KCNU1: variants seen among roughly 807,000 people sequenced by gnomAD.
KCNU1 encodes the protein potassium channel subfamily U member 1.
A neutral mutation model predicts 126.8 loss-of-function variants in KCNU1; 93 were observed. The observed-to-expected ratio is 0.73, with a 90% confidence interval of 0.62 to 0.87. KCNU1 has a LOEUF of 0.87. Among genes scored for constraint, KCNU1 ranks in the 40% least tolerant of loss-of-function variants. The pLI is 0.00. For synonymous variants in KCNU1, 523 were observed against 494.2 expected, an observed-to-expected ratio of 1.06 and a Z score of -0.77; for missense variants, 1,330 against 1,367.1, an observed-to-expected ratio of 0.97 and a Z score of 0.43.
chr8:36,873,638 C>A (rs556860481), intron 19 of KCNU1, among the ~76,000 whole-genome samples: 1 of 152,270 alleles, frequency 6.6e-6, no homozygotes, highest in Admixed American at 6.5e-5. Context: ...TCTCTCCCTG[C>A]TCTCTGTTCC....
chr8:36,894,176 C>T (rs1337127777), intron 19 of KCNU1, among the ~76,000 whole-genome samples: 3 of 152,024 alleles, frequency 2.0e-5, no homozygotes, highest in African/African-American at 7.2e-5. Flanking sequence ...ATATGGTTTG[C>T]CATACAAAAG....
chr8:36,832,885 G>A (rs1804606434), intron 10 of KCNU1, among the ~76,000 whole-genome samples: 1 of 151,988 alleles, frequency 6.6e-6, no homozygotes, highest in Admixed American at 6.6e-5. Flanking sequence ...TAAGAATAAT[G>A]ATAAAGAATT....
intron 24 of KCNU1, among the ~76,000 whole-genome samples, chr8:36,924,460 C>T (rs986268875): frequency 6.6e-6 from 1 of 152,216 alleles, no homozygotes; most frequent in African/African-American, 2.4e-5. Context: ...TTGCCCTGGG[C>T]TCTGCCTCTT....
chr8:36,852,140 A>G (rs1696462435), intron 18 of KCNU1, among the ~76,000 whole-genome samples: 1 of 151,972 alleles, frequency 6.6e-6, no homozygotes. Context: ...TGTGGTTTTT[A>G]TATTTTATTC....
At chr8:36,843,797 G>A (rs1805042218) in intron 16 of KCNU1, among the ~76,000 whole-genome samples, 1 of 152,150 alleles carries the variant, frequency 6.6e-6, no homozygotes, top group Admixed American at 6.5e-5. Flanking sequence ...AATGCTTGGA[G>A]AATTATAAGA....
chr8:36,913,295 T>C (rs181207874), intron 22 of KCNU1, among the ~76,000 whole-genome samples: 10 of 150,706 alleles, frequency 6.6e-5, no homozygotes, highest in African/African-American at 2.4e-4. Flanking sequence ...TTTGGGGGAA[T>C]GAGGTTGAGG....
intron 18 of KCNU1, among the ~76,000 whole-genome samples, chr8:36,846,798 A>AC (rs1038031319): frequency 2.6e-5 from 4 of 151,780 alleles, no homozygotes; most frequent in African/African-American, 9.7e-5. Flanking sequence ...GAAAAAAAAA[A>AC]AAAAAAAACT....
chr8:36,828,358 A>G (rs777384816), intron 10 of KCNU1, among the ~76,000 whole-genome samples: 1 of 152,112 alleles, frequency 6.6e-6, no homozygotes, highest in South Asian at 2.1e-4. Context: ...ACAATAATCT[A>G]TATTTAACTG....
chr8:36,878,470 T>C (rs1008464356), intron 19 of KCNU1, among the ~76,000 whole-genome samples: 1 of 152,158 alleles, frequency 6.6e-6, no homozygotes, highest in Admixed American at 6.6e-5. Flanking sequence ...TGAAGTCATA[T>C]CCCTGCTCAC....
chr8:36,829,035 T>C (rs996204432), intron 10 of KCNU1, among the ~76,000 whole-genome samples: 8 of 152,160 alleles, frequency 5.3e-5, no homozygotes, highest in Non-Finnish European at 1.0e-4. Flanking sequence ...ACCTTCACCA[T>C]GTTTACTAGG....
At chr8:36,833,688 A>C (rs1412899504) in intron 11 of KCNU1, 29 bp downstream of exon 11, 1 of 1,263,002 alleles carries the variant, frequency 7.9e-7, no homozygotes, top group Non-Finnish European at 1.2e-6. Context: ...TGTTCCTTGT[A>C]GTTTTCCTTA....
At chr8:36,829,337 T>C (rs1229826602) in intron 10 of KCNU1, among the ~76,000 whole-genome samples, 1 of 151,860 alleles carries the variant, frequency 6.6e-6, no homozygotes, top group Non-Finnish European at 1.5e-5. Flanking sequence ...GTTTAGAAAC[T>C]TTTTCCCTAT....
intron 22 of KCNU1, among the ~76,000 whole-genome samples, chr8:36,912,584 C>T (rs1563332304): frequency 6.6e-6 from 1 of 152,006 alleles, no homozygotes; most frequent in African/African-American, 2.4e-5. Context: ...AGGGTCACTC[C>T]TTGGATTCAC....
intron 22 of KCNU1, among the ~76,000 whole-genome samples, chr8:36,917,552 C>A (rs143766922): frequency 6.6e-6 from 1 of 151,358 alleles, no homozygotes; most frequent in Non-Finnish European, 1.5e-5. Flanking sequence ...GAACAGGTCT[C>A]TCTATGTTGC....
intron 22 of KCNU1, among the ~76,000 whole-genome samples, chr8:36,914,349 A>C (rs768936112): frequency 6.6e-6 from 1 of 152,134 alleles, no homozygotes; most frequent in Non-Finnish European, 1.5e-5. Context: ...GAATGCTATC[A>C]CCACTAGTGG....
chr8:36,855,098 G>A (rs1444031899), intron 18 of KCNU1, among the ~76,000 whole-genome samples: 1 of 152,050 alleles, frequency 6.6e-6, no homozygotes, highest in Non-Finnish European at 1.5e-5. Context: ...AAACCTCAAG[G>A]TCAGTTAGAG....
At chr8:36,816,636 G>A (rs1158887472) in intron 9 of KCNU1, among the ~76,000 whole-genome samples, 1 of 139,688 alleles carries the variant, frequency 7.2e-6, no homozygotes, top group Non-Finnish European at 1.5e-5. Context: ...CAGTCAATAG[G>A]TCTGGGAACT....
chr8:36,797,783 C>T (rs1803156572), intron 2 of KCNU1, among the ~76,000 whole-genome samples: 1 of 152,158 alleles, frequency 6.6e-6, no homozygotes, highest in Non-Finnish European at 1.5e-5. Flanking sequence ...TCTTGGCTTG[C>T]AATCTGTTTT....
At chr8:36,858,882 T>C (rs1280465746) in intron 18 of KCNU1, among the ~76,000 whole-genome samples, 3 of 152,194 alleles carry the variant, frequency 2.0e-5, no homozygotes, top group African/African-American at 7.2e-5. Flanking sequence ...AATGTAGTCA[T>C]CATACTCTCC....
Sources: gnomAD v4.1 joint callset for allele counts (sites outside exome capture counted in the v4.1 genomes callset) on GRCh38, gnomAD v4.1.1 for gene constraint, MANE v1.5 for transcripts, NCBI Gene and HGNC (gene_info 2026-07-23, HGNC 2026-07-21) for gene names.